PTPRD: variants seen among roughly 807,000 people sequenced by gnomAD.
The protein encoded by PTPRD is protein tyrosine phosphatase receptor type D.
In PTPRD, 34 loss-of-function variants were observed where a neutral mutation model predicts 214.5. That is an observed-to-expected ratio of 0.16 (90% CI 0.12 to 0.21). PTPRD has a LOEUF of 0.21. Among genes scored for constraint, PTPRD ranks in the 10% least tolerant of loss-of-function variants. The pLI is 1.00. For missense variants in PTPRD, 2,545 were observed against 2,398.7 expected (o/e 1.06, Z -1.27); for synonymous variants, 1,128 against 845.7 (o/e 1.33, Z -5.79).
chr9:9,468,935 T>A lies in PTPRD; in HGVS notation c.-236-71453A>T, dbSNP rs954315751. On this transcript the variant is annotated intron_variant, in intron 8 of 45. Transcript: ENST00000381196. ...GTGTATGTAGAGTAAAATATCTCCA[T>A]AAAGGGGTTACATCAAAATCTCACA... 1.8e-4 allele frequency among the ~76,000 whole-genome samples: 27 copies of A among 152,114 alleles called. 1 individual carries two copies. The highest frequency in any genetic ancestry group is 1.8e-3 in the Admixed American group (27 of 15,270).
intron 11 of PTPRD, among the ~76,000 whole-genome samples, chr9:8,792,216 G>C (rs1002215052): frequency 6.6e-6 from 1 of 152,074 alleles, no homozygotes; most frequent in Non-Finnish European, 1.5e-5. Flanking sequence ...CTTGGTAAAT[G>C]GTCTCCAGTC....
chr9:9,941,443 C>T (rs1192857614), intron 4 of PTPRD, among the ~76,000 whole-genome samples: 2 of 152,190 alleles, frequency 1.3e-5, no homozygotes, highest in East Asian at 3.9e-4. Context: ...CTGCCTAAGC[C>T]TCCCAAGTAG....
intron 9 of PTPRD, among the ~76,000 whole-genome samples, chr9:9,303,797 C>T (rs1569567200): frequency 6.6e-6 from 1 of 152,120 alleles, no homozygotes; most frequent in Non-Finnish European, 1.5e-5. Context: ...AGTGAGAATG[C>T]TGTTTACAAT....
intron 36 of PTPRD, among the ~76,000 whole-genome samples, chr9:8,389,645 G>C (rs1172547573): frequency 6.6e-6 from 1 of 152,116 alleles, no homozygotes; most frequent in Non-Finnish European, 1.5e-5. Flanking sequence ...AAATACAATA[G>C]ATGGTCCATA....
intron 7 of PTPRD, among the ~76,000 whole-genome samples, chr9:9,624,270 GTTTT>G (rs3049073): frequency 6.7e-6 from 1 of 149,792 alleles, no homozygotes; most frequent in African/African-American, 2.4e-5. Context: ...TCAGTAGCTA[GTTTT>G]TTTTTTGTTT....
At chr9:9,170,429 C>T (rs941870127) in intron 10 of PTPRD, among the ~76,000 whole-genome samples, 1 of 152,122 alleles carries the variant, frequency 6.6e-6, no homozygotes, top group African/African-American at 2.4e-5. Context: ...TTAAATGAAT[C>T]TTTTGTTTTC....
At chr9:9,675,927 A>G (rs2096919780) in intron 7 of PTPRD, among the ~76,000 whole-genome samples, 1 of 152,086 alleles carries the variant, frequency 6.6e-6, no homozygotes, top group Admixed American at 6.6e-5. Context: ...CAATCAAAAT[A>G]TTAACCAACT....
At chr9:8,583,497 TA>T (rs1011582217) in intron 14 of PTPRD, among the ~76,000 whole-genome samples, 2 of 151,236 alleles carry the variant, frequency 1.3e-5, no homozygotes, top group South Asian at 2.1e-4. Context: ...ATAATTTATT[TA>T]AAAAAAAAGA....
intron 3 of PTPRD, among the ~76,000 whole-genome samples, chr9:10,120,567 ATTTG>A (rs1267306661): frequency 6.6e-6 from 1 of 152,046 alleles, no homozygotes; most frequent in Non-Finnish European, 1.5e-5. Context: ...TTATAAAAGT[ATTTG>A]TTTATGATGT....
chr9:8,785,839 A>G (rs1933778616), intron 11 of PTPRD, among the ~76,000 whole-genome samples: 1 of 152,260 alleles, frequency 6.6e-6, no homozygotes, highest in Admixed American at 6.5e-5. Flanking sequence ...TAGCAAAAGC[A>G]TAAGGAACAC....
chr9:9,444,344 T>A (rs2089580914), intron 8 of PTPRD, among the ~76,000 whole-genome samples: 1 of 152,188 alleles, frequency 6.6e-6, no homozygotes, highest in Non-Finnish European at 1.5e-5. Context: ...TGATATCTAT[T>A]TTTTGTGAGT....
intron 2 of PTPRD, among the ~76,000 whole-genome samples, chr9:10,415,958 A>G (rs2154513800): frequency 6.6e-6 from 1 of 152,028 alleles, no homozygotes; most frequent in South Asian, 2.1e-4. Context: ...GCCAAGATGC[A>G]CCTTTTTAAA....
intron 10 of PTPRD, among the ~76,000 whole-genome samples, chr9:9,023,634 C>G (rs2099576920): frequency 6.6e-6 from 1 of 151,980 alleles, no homozygotes; most frequent in African/African-American, 2.4e-5. Context: ...ACCCACTAGG[C>G]AGCTTTTCAG....
At chr9:9,008,555 C>G (rs960661762) in intron 11 of PTPRD, among the ~76,000 whole-genome samples, 3 of 151,992 alleles carry the variant, frequency 2.0e-5, no homozygotes, top group Admixed American at 6.6e-5. Flanking sequence ...AAAACGCATT[C>G]TAGTGTGTCA....
chr9:8,493,780 C>T (rs1591940054), intron 26 of PTPRD, among the ~76,000 whole-genome samples: 1 of 152,126 alleles, frequency 6.6e-6, no homozygotes, highest in Non-Finnish European at 1.5e-5. Context: ...ATATCACATA[C>T]TATTTACCTA....
intron 5 of PTPRD, among the ~76,000 whole-genome samples, chr9:9,883,040 A>C (rs1225800263): frequency 6.6e-6 from 1 of 152,110 alleles, no homozygotes; most frequent in East Asian, 1.9e-4. Flanking sequence ...AGCCAAGAAG[A>C]TGTTGTCATG....
chr9:9,575,743 A>AAAAAAAAAAAAAAAAAAG (rs2088396518), intron 7 of PTPRD, among the ~76,000 whole-genome samples: 1 of 136,824 alleles, frequency 7.3e-6, no homozygotes, highest in African/African-American at 2.8e-5. Flanking sequence ...AAAAAAAAAA[A>AAAAAAAAAAAAAAAAAAG]AAAGAAAGAA....
At chr9:9,145,606 C>T (rs2099867329) in intron 10 of PTPRD, among the ~76,000 whole-genome samples, 2 of 151,980 alleles carry the variant, frequency 1.3e-5, no homozygotes, top group Admixed American at 6.6e-5. Flanking sequence ...CCAATAATAA[C>T]AGGAATCTGT....
At chr9:10,511,658 C>T (rs528116955) in intron 2 of PTPRD, among the ~76,000 whole-genome samples, 1 of 150,432 alleles carries the variant, frequency 6.6e-6, no homozygotes, top group South Asian at 2.1e-4. Context: ...TCATGATCCA[C>T]CCGCCTAGGC....
Sources: allele counts gnomAD v4.1 joint callset (sites outside exome capture counted in the v4.1 genomes callset), GRCh38; gene constraint gnomAD v4.1.1; transcripts MANE v1.5; gene names NCBI Gene and HGNC (gene_info 2026-07-23, HGNC 2026-07-21).